Variants in ZNF652 observed in about 807,000 individuals in gnomAD.
ZNF652 encodes the protein zinc finger protein 652.
ZNF652 carries 16 observed loss-of-function variants against 45.2 expected under a neutral mutation model. That is an observed-to-expected ratio of 0.35 (90% confidence interval 0.24 to 0.54). The LOEUF is 0.54. Ranked by LOEUF, ZNF652 falls within the 20% of genes least tolerant of loss-of-function variation. The pLI is 0.91. For synonymous variants in ZNF652, 250 were observed against 260.6 expected, an observed-to-expected ratio of 0.96 and a Z score of 0.39; for missense variants, 614 against 765.6, an observed-to-expected ratio of 0.80 and a Z score of 2.34.
intron 1 of ZNF652, among the ~76,000 whole-genome samples, chr17:49,345,904 G>C (rs560588049): frequency 6.6e-6 from 1 of 150,750 alleles, no homozygotes; most frequent in Non-Finnish European, 1.5e-5. Context: ...AGATCATTTA[G>C]ATGCGAAGTG....
chr17:49,288,208 T>C (rs2069361733), downstream of ZNF652: 2 of 152,160 alleles, frequency 1.3e-5, no homozygotes, highest in Admixed American at 6.5e-5. Flanking sequence ...TTTCTTGCTA[T>C]GGGGTCATGG....
At chr17:49,325,207 C>G (rs760471018) in intron 1 of ZNF652, among the ~76,000 whole-genome samples, 5 of 152,044 alleles carry the variant, frequency 3.3e-5, no homozygotes, top group African/African-American at 7.2e-5. Flanking sequence ...AGAGGGGTGA[C>G]TCTTCCCTTC....
rs1438481408 is a variant in ZNF652, at chr17:49,292,002, C to A, written c.*6411G>T. On this transcript the variant is annotated 3_prime_UTR_variant, in exon 6 of 6. Coordinates refer to ENST00000430262, the MANE Select transcript of ZNF652 (RefSeq NM_001145365.3). ...CAATAATATCTTTCCTGTTGCCAGA[C>A]AGGAAAGATGGAGAATGTATTAACA... 1.3e-5 allele frequency among the ~76,000 whole-genome samples: 2 copies of A among 152,118 alleles called. No individual in the cohort carries two copies. The highest frequency in any genetic ancestry group is 2.4e-5 in the African/African-American group (1 of 41,408).
At chr17:49,321,422 C>CTTTTTT (rs11350404) in intron 1 of ZNF652, among the ~76,000 whole-genome samples, 37 of 73,240 alleles carry the variant, frequency 5.1e-4, no homozygotes, top group African/African-American at 6.6e-4. Flanking sequence ...CACCACCACG[C>CTTTTTT]TTTTTTTTTT....
At chr17:49,354,278 A>C (rs1285718727) in intron 1 of ZNF652, among the ~76,000 whole-genome samples, 1 of 152,150 alleles carries the variant, frequency 6.6e-6, no homozygotes, top group Admixed American at 6.5e-5. Flanking sequence ...AGATCACAAA[A>C]ATAAAAATTA....
intron 1 of ZNF652, among the ~76,000 whole-genome samples, chr17:49,349,314 G>C (rs570953957): frequency 2.1e-4 from 32 of 152,082 alleles, no homozygotes; most frequent in Non-Finnish European, 4.1e-4. Context: ...CAGCAGAATT[G>C]CTTGAATCCA....
At chr17:49,312,957 GA>G (rs1242975672) in intron 2 of ZNF652, 112 bp from the exon 3 acceptor site, 14 of 1,031,680 alleles carry the variant, frequency 1.4e-5, no homozygotes, top group Non-Finnish European at 2.0e-5. Flanking sequence ...CCAGAATCCA[GA>G]TAAGTGCTAT....
intron 1 of ZNF652, among the ~76,000 whole-genome samples, chr17:49,346,524 C>G (rs761468853): frequency 6.6e-6 from 1 of 151,410 alleles, no homozygotes; most frequent in Non-Finnish European, 1.5e-5. Context: ...GTACTCCAGC[C>G]TGGGTGACAA....
rs2069434670 is a variant in ZNF652, at chr17:49,293,680, A to AC, written c.*4732_*4733insG. 6.7e-6 allele frequency among the ~76,000 whole-genome samples: 1 copy of AC among 148,858 alleles called. No individual in the cohort carries two copies. Among genetic ancestry groups the AC allele is most frequent in the African/African-American group, 2.5e-5 (1 of 39,428 alleles). ...TAAAAAAAAAAAAAAAAAAAAAAAA[A>AC]AAAAACTCTTAAGTAATTTCCTATC... On this transcript the variant is annotated 3_prime_UTR_variant, in exon 6 of 6. Coordinates refer to ENST00000430262, the MANE Select transcript of ZNF652 (RefSeq NM_001145365.3).
intron 5 of ZNF652, among the ~76,000 whole-genome samples, chr17:49,309,092 G>A (rs1428634374): frequency 6.6e-6 from 1 of 152,012 alleles, no homozygotes; most frequent in African/African-American, 2.4e-5. Context: ...GGATGCAGAG[G>A]CAGAGACTTA....
chr17:49,319,948 T>C (rs2069867175), intron 1 of ZNF652, among the ~76,000 whole-genome samples: 1 of 152,334 alleles, frequency 6.6e-6, no homozygotes, highest in Non-Finnish European at 1.5e-5. Flanking sequence ...CTCCAATTTA[T>C]CTCAGTCCCA....
chr17:49,338,182 G>A (rs2070106521), intron 1 of ZNF652, among the ~76,000 whole-genome samples: 1 of 149,480 alleles, frequency 6.7e-6, no homozygotes, highest in African/African-American at 2.5e-5. Context: ...GAGTCTTACT[G>A]TATTGGTCTG....
At position 49,298,815 on chromosome 17, in the gene ZNF652, C is replaced by T. The variant is rs61749023; in HGVS notation, c.1419G>A (p.Val473=). 773 of 1,614,098 alleles carry T rather than the reference C, an allele frequency of 4.8e-4. 1 individual carries two copies. In the African/African-American group the frequency reaches 7.9e-3, roughly 16 times the overall value. Residue 473 remains valine, a synonymous_variant, in exon 6 of 6, where the codon GTG becomes GTA. Transcript: ENST00000430262. ...HTGEKPYPCD[V]CGQRFRFSNM... The stretch of plus-strand genomic sequence containing the variant: ...TCGAGAAGCGGAACCGCTGGCCACA[C>T]ACATCACATGGATAGGGCTTCTCGC...
chr17:49,301,438 C>T (rs2069551156), intron 5 of ZNF652, among the ~76,000 whole-genome samples: 1 of 152,144 alleles, frequency 6.6e-6, no homozygotes, highest in South Asian at 2.1e-4. Flanking sequence ...GCTGGGATTA[C>T]AGGCATGTGC....
chr17:49,320,291 C>T (rs750513741), intron 1 of ZNF652, among the ~76,000 whole-genome samples: 3 of 152,096 alleles, frequency 2.0e-5, no homozygotes, highest in Non-Finnish European at 2.9e-5. Context: ...AAAAAAATTA[C>T]TTTTGCTTTC....
At chr17:49,361,634 G>A (rs533406207) in intron 1 of ZNF652, among the ~76,000 whole-genome samples, 215 of 152,222 alleles carry the variant, frequency 1.4e-3, no homozygotes, top group Non-Finnish European at 2.7e-3. Context: ...GAGCGGACCC[G>A]CTGCAAAACT....
intron 1 of ZNF652, among the ~76,000 whole-genome samples, chr17:49,352,364 G>C (rs529031002): frequency 3.9e-5 from 6 of 152,102 alleles, no homozygotes; most frequent in African/African-American, 1.4e-4. Flanking sequence ...TATTATATGA[G>C]AGATGAGGAA....
At chr17:49,360,454 G>C (rs1036788383) in intron 1 of ZNF652, among the ~76,000 whole-genome samples, 1 of 152,154 alleles carries the variant, frequency 6.6e-6, no homozygotes, top group East Asian at 1.9e-4. Flanking sequence ...ACTGAAGTCA[G>C]TTCCAGGATC....
chr17:49,292,583 G>C lies in ZNF652; in HGVS notation c.*5830C>G, dbSNP rs1598274718. Among the ~76,000 whole-genome samples, 1 of 152,116 alleles carries C rather than the reference G, an allele frequency of 6.6e-6. No individual in the cohort carries two copies. Among genetic ancestry groups the C allele is most frequent in the Non-Finnish European group, 1.5e-5 (1 of 68,028 alleles). On this transcript the variant is annotated 3_prime_UTR_variant, in exon 6 of 6. Coordinates refer to ENST00000430262, the MANE Select transcript of ZNF652 (RefSeq NM_001145365.3). Reference sequence around the variant, plus strand: ...GGAAGGGAGTGGGCACATGGGAACAGGGCAGAGCAACAGCAGCACTCAGGA... The same window carrying C: ...GGAAGGGAGTGGGCACATGGGAACACGGCAGAGCAACAGCAGCACTCAGGA...
Sources: allele counts gnomAD v4.1 joint callset (sites outside exome capture counted in the v4.1 genomes callset), GRCh38; gene constraint gnomAD v4.1.1; transcripts MANE v1.5; gene names NCBI Gene and HGNC (gene_info 2026-07-23, HGNC 2026-07-21).